Variants in SLC35F4 observed in about 807,000 individuals in gnomAD.
The protein encoded by SLC35F4 is solute carrier family 35 member F4.
SLC35F4 carries 24 observed loss-of-function variants against 44.2 expected under a neutral mutation model. The ratio of observed to expected loss-of-function variants is 0.54; its 90% CI spans 0.39 to 0.76. The LOEUF (loss-of-function observed/expected upper bound fraction) is 0.76, where lower values mean the gene tolerates loss of function less well. Ranked by LOEUF, SLC35F4 falls within the 30% of genes least tolerant of loss-of-function variation. The pLI is 0.00. For synonymous variants in SLC35F4, 238 were observed against 223.6 expected (o/e 1.06, Z -0.57); for missense variants, 562 against 586.1 (o/e 0.96, Z 0.42).
intron 1 of SLC35F4, among the ~76,000 whole-genome samples, chr14:57,855,998 AT>A (rs1887045978): frequency 6.6e-6 from 1 of 152,004 alleles, no homozygotes; most frequent in Non-Finnish European, 1.5e-5. Context: ...ATGAGAACAC[AT>A]GGACACAAGG....
intron 3 of SLC35F4, 132 bp downstream of exon 3, chr14:57,589,084 C>A (rs1745679): frequency 1.1e-6 from 1 of 940,418 alleles, no homozygotes; most frequent in Non-Finnish European, 1.6e-6. Flanking sequence ...TTCTAGTGCT[C>A]GTCTCCAACC....
chr14:57,917,586 C>T (rs542683557), intron 1 of SLC35F4, among the ~76,000 whole-genome samples: 2 of 152,152 alleles, frequency 1.3e-5, no homozygotes, highest in East Asian at 3.9e-4. Context: ...AAAAGAACAA[C>T]AGTAAATCAG....
chr14:57,654,121 G>A (rs1463560651), intron 1 of SLC35F4, among the ~76,000 whole-genome samples: 2 of 151,980 alleles, frequency 1.3e-5, no homozygotes, highest in Admixed American at 6.6e-5. Context: ...GTATGGCTTC[G>A]TTTTATTTAT....
intron 1 of SLC35F4, among the ~76,000 whole-genome samples, chr14:57,643,626 T>G (rs1409152886): frequency 1.3e-5 from 2 of 152,164 alleles, no homozygotes; most frequent in Admixed American, 6.6e-5. Flanking sequence ...TAAATTTTAT[T>G]ATTGTTATAC....
chr14:57,754,890 G>A (rs2076960843), intron 1 of SLC35F4, among the ~76,000 whole-genome samples: 1 of 152,206 alleles, frequency 6.6e-6, no homozygotes, highest in African/African-American at 2.4e-5. Flanking sequence ...AGCCCAGAGA[G>A]GGAAAGGAAC....
At position 57,629,257 on chromosome 14, in the gene SLC35F4, C is replaced by A. The variant is rs575805788; in HGVS notation, c.104-35133G>T. 6.4e-4 allele frequency among the ~76,000 whole-genome samples: 98 copies of A among 152,142 alleles called. 1 individual carries two copies. Among genetic ancestry groups the A allele is most frequent in the Admixed American group, 6.1e-3 (93 of 15,268 alleles). On this transcript the variant is annotated intron_variant, in intron 1 of 7. Transcript: ENST00000556826. ...ACTGGTTTACTGTCTCCCTGGGAAA[C>A]CATTTGCCCCACATTCAAACAATGT...
chr14:57,947,662 T>G (rs1190059096), intron 1 of SLC35F4, among the ~76,000 whole-genome samples: 5 of 152,226 alleles, frequency 3.3e-5, no homozygotes, highest in Admixed American at 6.5e-5. Context: ...GGCTGTGGAT[T>G]TGTCATAGAT....
At chr14:57,964,250 C>T (rs184932013) in intron 1 of SLC35F4, among the ~76,000 whole-genome samples, 44 of 152,178 alleles carry the variant, frequency 2.9e-4, no homozygotes, top group Admixed American at 7.2e-4. Flanking sequence ...GGAAGGATCA[C>T]CCACTTGTAA....
intron 1 of SLC35F4, among the ~76,000 whole-genome samples, chr14:57,872,600 A>C (rs532760566): frequency 1.3e-3 from 198 of 152,274 alleles, no homozygotes; most frequent in African/African-American, 4.5e-3. Flanking sequence ...TGAGACATGA[A>C]AATGCATTTG....
At chr14:57,600,677 G>A (rs1457334717) in intron 1 of SLC35F4, among the ~76,000 whole-genome samples, 1 of 70,288 alleles carries the variant, frequency 1.4e-5, no homozygotes, top group Admixed American at 2.5e-4. Context: ...GGGCGACAGA[G>A]CAAGACTCCA....
At chr14:57,593,047 T>G (rs915075276) in intron 2 of SLC35F4, among the ~76,000 whole-genome samples, 1 of 152,140 alleles carries the variant, frequency 6.6e-6, no homozygotes, top group Non-Finnish European at 1.5e-5. Context: ...ATTGGAAAGG[T>G]AGAAAGACAA....
chr14:57,580,462 C>G lies in SLC35F4; in HGVS notation c.807+752G>C, dbSNP rs143514800. ...ACCTCCTTCTAAAGAAGTGTTGTCTCAATATGTTCATCATAGTGGCATGCC... is the reference window on the plus strand; with the variant it reads ...ACCTCCTTCTAAAGAAGTGTTGTCTGAATATGTTCATCATAGTGGCATGCC... On this transcript the variant is annotated intron_variant, in intron 4 of 7. Transcript: ENST00000556826. 8.9e-3 allele frequency: 2,683 copies of G among 301,852 alleles called. 23 individuals carry two copies. The highest frequency in any genetic ancestry group is 0.012 in the Non-Finnish European group (1,914 of 154,646). The allele number at this position is 301,852 out of a possible 1,614,324, so 18.7% of individuals were successfully genotyped here. A position where few individuals can be genotyped will look rare whatever the true frequency, so the allele number is the denominator to read the frequency against.
intron 1 of SLC35F4, among the ~76,000 whole-genome samples, chr14:57,672,343 TAA>T (rs1264800608): frequency 6.6e-6 from 1 of 152,022 alleles, no homozygotes; most frequent in Non-Finnish European, 1.5e-5. Flanking sequence ...CACCCAGATT[TAA>T]AAGTGAAAAA....
chr14:57,824,692 T>G (rs1391516147), intron 1 of SLC35F4, among the ~76,000 whole-genome samples: 1 of 152,076 alleles, frequency 6.6e-6, no homozygotes, highest in African/African-American at 2.4e-5. Flanking sequence ...AAACACCTAT[T>G]GCAAAGGTTC....
intron 1 of SLC35F4, among the ~76,000 whole-genome samples, chr14:57,800,666 A>G (rs1764722893): frequency 6.6e-6 from 1 of 152,226 alleles, no homozygotes. Flanking sequence ...TTTAGAGAGC[A>G]ACATAACCAA....
intron 1 of SLC35F4, among the ~76,000 whole-genome samples, chr14:57,764,209 A>G (rs569513960): frequency 6.6e-6 from 1 of 152,284 alleles, no homozygotes; most frequent in South Asian, 2.1e-4. Flanking sequence ...CATGAGAGAT[A>G]ATAGTAAATT....
intron 1 of SLC35F4, among the ~76,000 whole-genome samples, chr14:57,701,117 G>A (rs575984692): frequency 5.9e-5 from 9 of 152,096 alleles, no homozygotes; most frequent in South Asian, 4.2e-4. Context: ...GATTATAGGC[G>A]TAAGCCACCA....
At chr14:57,973,713 G>A (rs552707059), downstream of SLC35F4, among the ~76,000 whole-genome samples, 5 of 152,264 alleles carry the variant, frequency 3.3e-5, no homozygotes, top group Non-Finnish European at 7.4e-5. Context: ...AGGGGGAGGG[G>A]ATTGGAGTGT....
chr14:57,610,165 A>G (rs902679568), intron 1 of SLC35F4, among the ~76,000 whole-genome samples: 2 of 152,236 alleles, frequency 1.3e-5, no homozygotes, highest in African/African-American at 4.8e-5. Context: ...TATGGACTAC[A>G]AAGAGGGTGA....
Sources: gnomAD v4.1 joint callset for allele counts (sites outside exome capture counted in the v4.1 genomes callset) on GRCh38, gnomAD v4.1.1 for gene constraint, MANE v1.5 for transcripts, NCBI Gene and HGNC (gene_info 2026-07-23, HGNC 2026-07-21) for gene names.